The following FAT3 variants were observed in gnomAD, a reference collection of about 807,000 sequenced individuals.
FAT3 encodes the protein FAT atypical cadherin 3.
Under a neutral mutation model 310.2 loss-of-function variants are expected in FAT3, and 95 were observed. That is an observed-to-expected ratio of 0.31 (90% CI 0.26 to 0.36). The LOEUF (loss-of-function observed/expected upper bound fraction) is 0.36. Ranked by LOEUF, FAT3 falls within the 10% of genes least tolerant of loss-of-function variation. The pLI is 1.00. For missense variants in FAT3, 5,408 were observed against 5,715.6 expected, an observed-to-expected ratio of 0.95 and a Z score of 1.74; for synonymous variants, 2,314 against 2,192.9, an observed-to-expected ratio of 1.06 and a Z score of -1.54.
intron 18 of FAT3, among the ~76,000 whole-genome samples, chr11:92,843,650 A>G (rs1265764027): frequency 6.6e-6 from 1 of 152,204 alleles, no homozygotes; most frequent in Admixed American, 6.5e-5. Context: ...TGTTGTGGGC[A>G]TGTTGAGTCT....
chr11:92,324,095 T>C (rs967085536), intron 1 of FAT3, among the ~76,000 whole-genome samples: 7 of 152,230 alleles, frequency 4.6e-5, no homozygotes, highest in African/African-American at 1.7e-4. Context: ...GATTAGACTT[T>C]GGCTTAAGGG....
chr11:92,345,973 A>T (rs1265621290), intron 1 of FAT3, among the ~76,000 whole-genome samples: 1 of 152,294 alleles, frequency 6.6e-6, no homozygotes, highest in East Asian at 1.9e-4. Context: ...ATAATGGCAT[A>T]AGCTAAATTA....
At position 92,805,258 on chromosome 11, in the gene FAT3, A is replaced by G; in HGVS notation, c.9002A>G (p.Asn3001Ser). The G allele has an allele frequency of 1.2e-6, 2 of 1,613,880 alleles. No homozygotes were observed. Among genetic ancestry groups the G allele is most frequent in the Non-Finnish European group, 1.7e-6 (2 of 1,179,842 alleles). The stretch of plus-strand genomic sequence containing the variant: ...GAAGAACAGGACATTTACTTTCTCA[A>G]TATCACTGCCACTGATGGGCTTTTT... ...DREEQDIYFL[N>S]ITATDGLFVT... The change falls in exon 11 of 28, where the codon AAT becomes AGT. Residue 3001 changes from asparagine to serine, a missense_variant. By Grantham distance (46) the Asn-to-Ser change is conservative. Around this residue, in one of 5 missense-constraint regions of FAT3, gnomAD observed 4,588 missense variants for 4,809.8 expected, o/e 0.95. Transcript: ENST00000525166.
chr11:92,774,946 C>T (rs1946561032), intron 7 of FAT3, among the ~76,000 whole-genome samples: 1 of 152,190 alleles, frequency 6.6e-6, no homozygotes, highest in Non-Finnish European at 1.5e-5. Flanking sequence ...TGTTAGATAA[C>T]AATATGGGGC....
At chr11:92,432,772 A>G (rs1950820854) in intron 2 of FAT3, among the ~76,000 whole-genome samples, 2 of 152,138 alleles carry the variant, frequency 1.3e-5, no homozygotes, top group African/African-American at 4.8e-5. Flanking sequence ...GTGCTGGGAG[A>G]TCTGCTGCCC....
intron 2 of FAT3, among the ~76,000 whole-genome samples, chr11:92,358,328 G>A (rs1484458888): frequency 6.6e-6 from 1 of 152,038 alleles, no homozygotes; most frequent in Non-Finnish European, 1.5e-5. Context: ...AGTTTATAAG[G>A]TCACATAGGC....
intron 3 of FAT3, among the ~76,000 whole-genome samples, chr11:92,661,631 T>C (rs1942787324): frequency 6.6e-6 from 1 of 151,940 alleles, no homozygotes; most frequent in South Asian, 2.1e-4. Context: ...CACATGCCCA[T>C]TCAAATAAAT....
chr11:92,874,817 G>A (rs1949490495), intron 22 of FAT3, among the ~76,000 whole-genome samples: 1 of 152,138 alleles, frequency 6.6e-6, no homozygotes, highest in Admixed American at 6.6e-5. Flanking sequence ...GGCATTACAG[G>A]CATGAGCCAC....
intron 3 of FAT3, among the ~76,000 whole-genome samples, chr11:92,598,776 A>G (rs1318838852): frequency 6.6e-6 from 1 of 152,302 alleles, no homozygotes; most frequent in East Asian, 1.9e-4. Context: ...CTAACTGGAT[A>G]TCATTGGTCA....
At chr11:92,812,234 A>G (rs1947693715) in intron 13 of FAT3, among the ~76,000 whole-genome samples, 1 of 152,184 alleles carries the variant, frequency 6.6e-6, no homozygotes, top group Admixed American at 6.5e-5. Flanking sequence ...TGAAGGTAGA[A>G]TTTATCTTGG....
rs1172198781 is a variant in FAT3, at chr11:92,800,789, T to C, written c.7776T>C (p.Asp2592=). The change falls in exon 10 of 28, where the codon GAT becomes GAC. Residue 2592 remains aspartate, a synonymous_variant. Transcript: ENST00000525166. ...TFCTVRVIVV[D]ENDNAPQFMT... ...GCACTGTGAGAGTGATTGTTGTGGA[T>C]GAAAATGACAATGCTCCCCAGTTCA... 3 of 1,613,736 alleles carry C rather than the reference T, an allele frequency of 1.9e-6. No individual in the cohort carries two copies. In the Admixed American group the frequency reaches 5.0e-5, roughly 27 times the overall value.
intron 15 of FAT3, among the ~76,000 whole-genome samples, chr11:92,836,075 GT>G (rs1948399465): frequency 6.6e-6 from 1 of 152,124 alleles, no homozygotes; most frequent in Non-Finnish European, 1.5e-5. Flanking sequence ...GTACATGACT[GT>G]TTCCATACAT....
chr11:92,651,556 T>TGA (rs1204660653), intron 3 of FAT3, among the ~76,000 whole-genome samples: 4 of 152,208 alleles, frequency 2.6e-5, no homozygotes, highest in African/African-American at 9.7e-5. Context: ...TAATAGGAGT[T>TGA]GAGACACTTT....
rs183973334 is a variant in FAT3 at position 92,352,832 on chromosome 11, G to A, written c.720G>A (p.Leu240=). The change falls in exon 2 of 28, where the codon CTG becomes CTA. Residue 240 remains leucine (L), a synonymous_variant. Transcript: ENST00000525166. ...EILAVDRGMK[L]YGNNGVSSTA... ...TGGCTGTGGACCGGGGAATGAAACTGTATGGGAACAATGGAGTGAGCAGTA... is the reference window on the plus strand; with the variant it reads ...TGGCTGTGGACCGGGGAATGAAACTATATGGGAACAATGGAGTGAGCAGTA... 1 of 1,613,962 alleles carries A rather than the reference G, an allele frequency of 6.2e-7. No individual in the cohort carries two copies. Among genetic ancestry groups the A allele is most frequent in the Admixed American group, 1.7e-5 (1 of 59,998 alleles).
chr11:92,735,867 T>A (rs191963159), intron 4 of FAT3, among the ~76,000 whole-genome samples: 12 of 152,206 alleles, frequency 7.9e-5, no homozygotes, highest in African/African-American at 2.9e-4. Flanking sequence ...TATATGTTTG[T>A]TGAATAATTA....
At chr11:92,777,360 TA>T (rs1336810532) in intron 7 of FAT3, among the ~76,000 whole-genome samples, 1 of 152,190 alleles carries the variant, frequency 6.6e-6, no homozygotes, top group African/African-American at 2.4e-5. Flanking sequence ...AGTTTTGTCC[TA>T]TTCTCCCAAC....
chr11:92,560,481 G>A (rs1955185323), intron 3 of FAT3, among the ~76,000 whole-genome samples: 1 of 127,260 alleles, frequency 7.9e-6, no homozygotes, highest in Non-Finnish European at 1.8e-5. Flanking sequence ...TTGTGATTTT[G>A]CTTTTGCGTC....
At chr11:92,481,388 C>T (rs1314215253) in intron 2 of FAT3, among the ~76,000 whole-genome samples, 1 of 151,796 alleles carries the variant, frequency 6.6e-6, no homozygotes, top group Non-Finnish European at 1.5e-5. Context: ...GAAAAAAAAA[C>T]TATTCAGGAT....
Position 92,332,331 on chromosome 11 carries a change from C to G in FAT3, c.-17-19765C>G, listed in dbSNP as rs184473716. ...TGTTTCTGTCTTCTGTGATCCACCT[C>G]AGATGAGAGCATAATAACATGGTGG... is the stretch of plus-strand genomic sequence containing the variant. On this transcript the variant is annotated intron_variant, in intron 1 of 27. Coordinates refer to ENST00000525166, the MANE Select transcript of FAT3 (RefSeq NM_001367949.2). Among the ~76,000 whole-genome samples, 298 of 152,300 alleles carry G rather than the reference C, an allele frequency of 2.0e-3. 1 individual carries two copies. Among genetic ancestry groups the G allele is most frequent in the African/African-American group, 6.6e-3 (273 of 41,566 alleles).
Sources: gnomAD v4.1 joint callset for allele counts (sites outside exome capture counted in the v4.1 genomes callset) on GRCh38, gnomAD v4.1.1 for gene constraint, gnomAD v4.1.1 regional missense constraint, MANE v1.5 for transcripts, NCBI Gene and HGNC (gene_info 2026-07-23, HGNC 2026-07-21) for gene names.